RSU1: variants seen among roughly 807,000 people sequenced by gnomAD.
RSU1 encodes Ras suppressor protein 1.
A neutral mutation model predicts 31.1 loss-of-function variants in RSU1; 26 were observed. The observed-to-expected ratio is 0.84, with a 90% CI of 0.61 to 1.16. The LOEUF (loss-of-function observed/expected upper bound fraction) is 1.16, where lower values mean the gene tolerates loss of function less well. Among genes scored for constraint, RSU1 ranks in the 50% most tolerant of loss-of-function variants. RSU1 has a pLI of 0.00. For synonymous variants in RSU1, 164 were observed against 136.3 expected, an observed-to-expected ratio of 1.20 and a Z score of -1.41; for missense variants, 320 against 339.1, an observed-to-expected ratio of 0.94 and a Z score of 0.44.
At chr10:16,800,251 C>A (rs66756883) in intron 2 of RSU1, among the ~76,000 whole-genome samples, 8,562 of 152,214 alleles carry the variant, frequency 0.056, 327 homozygotes, top group African/African-American at 0.11. Flanking sequence ...GCAAAAGAAG[C>A]ACACTCGGAT....
At chr10:16,689,183 A>G (rs1161552260) in intron 8 of RSU1, among the ~76,000 whole-genome samples, 4 of 152,208 alleles carry the variant, frequency 2.6e-5, no homozygotes, top group East Asian at 1.9e-4. Context: ...TAACCACTAG[A>G]AAGATCCTGG....
chr10:16,597,265 G>A (rs75101832), intron 8 of RSU1, among the ~76,000 whole-genome samples: 1,696 of 152,316 alleles, frequency 0.011, 29 homozygotes, highest in African/African-American at 0.038. Flanking sequence ...GATTTCAGAA[G>A]GGGTTGCAAA....
At chr10:16,617,133 A>G (rs1054129719) in intron 8 of RSU1, among the ~76,000 whole-genome samples, 1 of 152,248 alleles carries the variant, frequency 6.6e-6, no homozygotes, top group Non-Finnish European at 1.5e-5. Context: ...CAACTTCAGC[A>G]AAGTCTCAAG....
chr10:16,779,532 T>C (rs1355003926), intron 3 of RSU1, among the ~76,000 whole-genome samples: 1 of 151,994 alleles, frequency 6.6e-6, no homozygotes, highest in East Asian at 1.9e-4. Flanking sequence ...ATTCCTTCCA[T>C]GAGTACATAA....
chr10:16,626,611 C>T (rs993581419), intron 8 of RSU1, among the ~76,000 whole-genome samples: 3 of 152,154 alleles, frequency 2.0e-5, no homozygotes, highest in African/African-American at 4.8e-5. Context: ...TCAGACAGAT[C>T]AGAGTCTGAA....
intron 8 of RSU1, among the ~76,000 whole-genome samples, chr10:16,691,352 G>A (rs1454887322): frequency 6.9e-6 from 1 of 145,838 alleles, no homozygotes; most frequent in African/African-American, 2.5e-5. Flanking sequence ...TTAATCTGGT[G>A]AAACACAATA....
At chr10:16,596,069 C>A (rs1459548393) in intron 8 of RSU1, among the ~76,000 whole-genome samples, 1 of 152,118 alleles carries the variant, frequency 6.6e-6, no homozygotes, top group Non-Finnish European at 1.5e-5. Context: ...GAAGACGAGG[C>A]CATGGGCACC....
rs143370333 is a variant in RSU1, at chr10:16,810,120, A to T, written c.109+6853T>A. ...GTAGCTGGCACCTGTAATCCCAACT[A>T]CTCCAGAGGCCAAGGCAGGAGAATT... is the stretch of plus-strand genomic sequence containing the variant. On this transcript the variant is annotated intron_variant, in intron 2 of 8. Coordinates refer to ENST00000345264, the MANE Select transcript of RSU1 (RefSeq NM_012425.4). Among the ~76,000 whole-genome samples, 246 of 151,790 alleles carry T rather than the reference A, an allele frequency of 1.6e-3. 2 individuals are homozygous for T. Among genetic ancestry groups the T allele is most frequent in the African/African-American group, 5.7e-3 (234 of 41,334 alleles).
At chr10:16,747,402 T>C (rs2131615629) in intron 7 of RSU1, among the ~76,000 whole-genome samples, 1 of 152,312 alleles carries the variant, frequency 6.6e-6, no homozygotes, top group East Asian at 1.9e-4. Context: ...TATCTGAGGC[T>C]CAGGTCAGGA....
chr10:16,642,457 C>T (rs182271479), intron 8 of RSU1, among the ~76,000 whole-genome samples: 1 of 152,116 alleles, frequency 6.6e-6, no homozygotes, highest in Non-Finnish European at 1.5e-5. Context: ...CTAACCTTTC[C>T]TATCAGTGAT....
intron 7 of RSU1, among the ~76,000 whole-genome samples, chr10:16,728,893 G>C (rs949631800): frequency 1.3e-5 from 2 of 152,214 alleles, no homozygotes; most frequent in African/African-American, 4.8e-5. Context: ...TTCTCCTCTA[G>C]AGCCTCCTGA....
intron 8 of RSU1, among the ~76,000 whole-genome samples, chr10:16,663,013 AG>A (rs1371686766): frequency 1.3e-5 from 2 of 151,464 alleles, no homozygotes; most frequent in African/African-American, 2.4e-5. Flanking sequence ...AAAGGATGAG[AG>A]CAAATTTGCT....
chr10:16,609,849 ATCT>A lies in RSU1; in HGVS notation c.732-16356_732-16354del, dbSNP rs1473584872. On this transcript the variant is annotated intron_variant, in intron 8 of 8. Transcript: ENST00000345264. ...TCTCTTCTCATAAGCTGTTTCTAAA[ATCT>A]TCTTAAACACACATTAGTACGTCCA... 2.0e-5 allele frequency among the ~76,000 whole-genome samples: 3 copies of A among 152,226 alleles called. No homozygotes were observed. The East Asian group carries it at 5.8e-4, about 29-fold the overall frequency.
chr10:16,629,339 G>A (rs980376994), intron 8 of RSU1, among the ~76,000 whole-genome samples: 23 of 152,084 alleles, frequency 1.5e-4, no homozygotes, highest in African/African-American at 4.8e-4. Flanking sequence ...GAACAGGACC[G>A]AACTGCCAAT....
At chr10:16,777,851 C>A (rs1165818191) in intron 3 of RSU1, among the ~76,000 whole-genome samples, 5 of 152,062 alleles carry the variant, frequency 3.3e-5, no homozygotes, top group Non-Finnish European at 7.4e-5. Context: ...AGGAAGATGA[C>A]CTTCGGCATT....
intron 3 of RSU1, among the ~76,000 whole-genome samples, chr10:16,772,467 A>G (rs1479638544): frequency 2.0e-5 from 3 of 152,092 alleles, no homozygotes; most frequent in African/African-American, 4.8e-5. Flanking sequence ...AAAGCCATAC[A>G]TCAATAAAGA....
intron 8 of RSU1, among the ~76,000 whole-genome samples, chr10:16,620,603 T>C (rs1233584075): frequency 6.6e-6 from 1 of 151,860 alleles, no homozygotes; most frequent in African/African-American, 2.4e-5. Flanking sequence ...CCCAGCACTT[T>C]GGGAGGCCGA....
chr10:16,709,397 G>C (rs1274098332), intron 7 of RSU1, among the ~76,000 whole-genome samples: 2 of 152,084 alleles, frequency 1.3e-5, no homozygotes, highest in African/African-American at 2.4e-5. Context: ...GTCTATCATT[G>C]TTGGACATTT....
chr10:16,783,966 T>C (rs1308861330), intron 2 of RSU1, among the ~76,000 whole-genome samples: 1 of 152,224 alleles, frequency 6.6e-6, no homozygotes, highest in African/African-American at 2.4e-5. Flanking sequence ...ACGCTGCAGG[T>C]AGCTGTCAGG....
Sources: gnomAD v4.1 joint callset for allele counts (sites outside exome capture counted in the v4.1 genomes callset) on GRCh38, gnomAD v4.1.1 for gene constraint, MANE v1.5 for transcripts, NCBI Gene and HGNC (gene_info 2026-07-23, HGNC 2026-07-21) for gene names.